Variants in RALYL observed in about 807,000 individuals in gnomAD.
RALYL encodes RALY RNA binding protein like, also known as RNA-binding Raly-like protein.
In RALYL, 29 loss-of-function variants were observed where a neutral mutation model predicts 35.1. That is an observed-to-expected ratio of 0.83 (90% CI 0.61 to 1.13). The LOEUF is 1.13. RALYL is among the 50% of genes most tolerant of loss of function. The pLI, the probability that RALYL is intolerant of heterozygous loss-of-function variation, is 0.00. For missense variants in RALYL, 359 were observed against 360.4 expected (o/e 1.00, Z 0.03); for synonymous variants, 120 against 127.6 (o/e 0.94, Z 0.40).
At chr8:84,793,890 G>A (rs1452422350) in intron 3 of RALYL, among the ~76,000 whole-genome samples, 1 of 152,192 alleles carries the variant, frequency 6.6e-6, no homozygotes, top group Non-Finnish European at 1.5e-5. Context: ...TATGTGACTG[G>A]GAAGAGGGAA....
intron 1 of RALYL, among the ~76,000 whole-genome samples, chr8:84,389,308 A>G (rs1860030429): frequency 6.6e-6 from 1 of 152,056 alleles, no homozygotes; most frequent in Non-Finnish European, 1.5e-5. Flanking sequence ...TTGGCTTAGG[A>G]TTGACTTGGC....
At chr8:84,229,099 C>G (rs932142690) in intron 1 of RALYL, among the ~76,000 whole-genome samples, 5 of 152,156 alleles carry the variant, frequency 3.3e-5, no homozygotes, top group Non-Finnish European at 7.3e-5. Context: ...TTCATTCATC[C>G]ATTCATTCAT....
chr8:84,674,542 A>G (rs908887521), intron 2 of RALYL, among the ~76,000 whole-genome samples: 1 of 152,082 alleles, frequency 6.6e-6, no homozygotes, highest in Non-Finnish European at 1.5e-5. Flanking sequence ...TAAACACAGC[A>G]TTCTTTTGTA....
At chr8:84,744,005 G>C (rs967479847) in intron 2 of RALYL, among the ~76,000 whole-genome samples, 4 of 151,954 alleles carry the variant, frequency 2.6e-5, no homozygotes, top group Admixed American at 1.3e-4. Flanking sequence ...AAAAAAATTG[G>C]AGACGGATAG....
chr8:84,563,849 T>C (rs2061612520), intron 2 of RALYL, among the ~76,000 whole-genome samples: 1 of 151,816 alleles, frequency 6.6e-6, no homozygotes, highest in Non-Finnish European at 1.5e-5. Context: ...TGCTTTGTTT[T>C]TAATTTTTAC....
At chr8:84,460,742 T>C (rs546219422) in intron 1 of RALYL, among the ~76,000 whole-genome samples, 1 of 151,788 alleles carries the variant, frequency 6.6e-6, no homozygotes, top group South Asian at 2.1e-4. Context: ...GGTCATTTCA[T>C]TGTATATTTT....
At chr8:84,681,792 C>A (rs1476261349) in intron 2 of RALYL, among the ~76,000 whole-genome samples, 1 of 152,142 alleles carries the variant, frequency 6.6e-6, no homozygotes, top group Non-Finnish European at 1.5e-5. Context: ...CAAACAGGGA[C>A]AATTTGACTT....
intron 1 of RALYL, among the ~76,000 whole-genome samples, chr8:84,455,305 A>G (rs1353201171): frequency 6.6e-6 from 1 of 152,030 alleles, no homozygotes; most frequent in African/African-American, 2.4e-5. Context: ...GGTATAAAAG[A>G]TAAGGCATTC....
At chr8:84,786,888 A>G (rs988454200) in intron 3 of RALYL, among the ~76,000 whole-genome samples, 47 of 152,186 alleles carry the variant, frequency 3.1e-4, no homozygotes, top group African/African-American at 1.1e-3. Flanking sequence ...GGTTAAAAGG[A>G]ATTATATAAA....
chr8:84,377,225 G>T (rs79113974), intron 1 of RALYL, among the ~76,000 whole-genome samples: 1 of 151,770 alleles, frequency 6.6e-6, no homozygotes, highest in African/African-American at 2.4e-5. Flanking sequence ...TCTGAATAAA[G>T]TACCCCAAGT....
chr8:84,202,538 A>AT (rs933057412), intron 1 of RALYL, among the ~76,000 whole-genome samples: 5 of 151,598 alleles, frequency 3.3e-5, no homozygotes, highest in African/African-American at 9.7e-5. Context: ...CGCCCAGCTA[A>AT]TTTTTTTGTA....
chr8:84,215,120 C>G (rs1820486481), intron 1 of RALYL, among the ~76,000 whole-genome samples: 1 of 151,794 alleles, frequency 6.6e-6, no homozygotes, highest in Non-Finnish European at 1.5e-5. Flanking sequence ...AAAGGAGAAG[C>G]CTGGTCCTTC....
intron 2 of RALYL, among the ~76,000 whole-genome samples, chr8:84,643,688 A>T (rs1219073316): frequency 6.6e-6 from 1 of 152,104 alleles, no homozygotes; most frequent in East Asian, 1.9e-4. Flanking sequence ...TGCAGAGCCC[A>T]GTAACAAGAG....
chr8:84,727,147 T>C (rs1442034442), intron 2 of RALYL, among the ~76,000 whole-genome samples: 4 of 152,032 alleles, frequency 2.6e-5, no homozygotes, highest in African/African-American at 9.7e-5. Context: ...ATAATAAAAA[T>C]ACACATCGGA....
At chr8:84,539,780 T>A (rs1424337767) in intron 2 of RALYL, among the ~76,000 whole-genome samples, 1 of 149,406 alleles carries the variant, frequency 6.7e-6, no homozygotes. Context: ...AGACTCTTGT[T>A]TTTTAACTGC....
chr8:84,365,692 G>C (rs575703785), intron 1 of RALYL, among the ~76,000 whole-genome samples: 2 of 152,264 alleles, frequency 1.3e-5, no homozygotes, highest in Admixed American at 6.5e-5. Flanking sequence ...ACTCAATACT[G>C]ATATCATATT....
intron 2 of RALYL, among the ~76,000 whole-genome samples, chr8:84,768,873 G>A (rs181616025): frequency 1.2e-3 from 181 of 152,310 alleles, no homozygotes; most frequent in African/African-American, 4.1e-3. Context: ...GGAGGTTAAT[G>A]TGTGGAAATA....
intron 1 of RALYL, among the ~76,000 whole-genome samples, chr8:84,405,409 T>A (rs112632789): frequency 0.028 from 4,299 of 152,086 alleles, 195 homozygotes; most frequent in African/African-American, 0.098. Context: ...CAAAAATCAA[T>A]GAATCCAGGA....
intron 1 of RALYL, among the ~76,000 whole-genome samples, chr8:84,476,858 G>C (rs1232447969): frequency 6.6e-6 from 1 of 152,170 alleles, no homozygotes; most frequent in Admixed American, 6.5e-5. Context: ...AGAAGTCCAG[G>C]AGCTGACTGC....
Sources: gnomAD v4.1 joint callset for allele counts (sites outside exome capture counted in the v4.1 genomes callset) on GRCh38, gnomAD v4.1.1 for gene constraint, MANE v1.5 for transcripts, NCBI Gene and HGNC (gene_info 2026-07-23, HGNC 2026-07-21) for gene names.